Variants in DRP2 observed in about 807,000 individuals in gnomAD.
DRP2 encodes the protein dystrophin-related protein 2.
DRP2 carries 29 observed loss-of-function variants against 78.2 expected under a neutral mutation model. The ratio of observed to expected loss-of-function variants is 0.37; its 90% confidence interval spans 0.28 to 0.51. The LOEUF is 0.51. Ranked by LOEUF, DRP2 falls within the 20% of genes least tolerant of loss-of-function variation. The probability of loss-of-function intolerance (pLI) is 0.94; values close to 1 mark genes in which losing one functional copy is unlikely to be tolerated. For missense variants in DRP2, 686 were observed against 770.6 expected (o/e 0.89, Z 1.30); for synonymous variants, 290 against 281.9 (o/e 1.03, Z -0.29).
Position 101,242,475 on chromosome X carries a change from G to T in DRP2, c.975+4G>T. On this transcript the variant is annotated splice_donor_region_variant and intron_variant, in intron 8 of 23. Coordinates refer to ENST00000395209, the MANE Select transcript of DRP2 (RefSeq NM_001939.3). ...CGTCCGATGGAAACAACTACAGGTA[G>T]AAGAGCAGCCTGGAGTGAACCATGG... The T allele has an allele frequency of 8.3e-7, 1 of 1,207,283 alleles. No individual in the cohort carries two copies. Among genetic ancestry groups the T allele is most frequent in the South Asian group, 1.8e-5 (1 of 55,784 alleles).
chrX:101,249,540 T>G (rs760974422), intron 14 of DRP2, among the ~76,000 whole-genome samples: 6 of 111,435 alleles, frequency 5.4e-5, no homozygotes, highest in South Asian at 3.9e-4. Flanking sequence ...GGAGGATCAC[T>G]TGAGCCCAGA....
At chrX:101,246,396 T>C (rs1922934876) in intron 11 of DRP2, among the ~76,000 whole-genome samples, 1 of 112,867 alleles carries the variant, frequency 8.9e-6, no homozygotes, top group African/African-American at 3.2e-5. Flanking sequence ...CTGATGCATG[T>C]GACTACAGTT....
chrX:101,232,795 G>A (rs1936962282), intron 3 of DRP2, among the ~76,000 whole-genome samples: 1 of 112,264 alleles, frequency 8.9e-6, no homozygotes, highest in African/African-American at 3.2e-5. Context: ...ACAGGGTCGA[G>A]GGATTAAGAA....
At chrX:101,220,874 A>G (rs1040975868) in intron 1 of DRP2, among the ~76,000 whole-genome samples, 1 of 111,564 alleles carries the variant, frequency 9.0e-6, no homozygotes, top group Non-Finnish European at 1.9e-5. Context: ...TCCACTCTTG[A>G]AAGCATAGCT....
At chrX:101,248,462 T>C (rs746785290) in intron 13 of DRP2, 52 bp from the exon 14 acceptor site, 1 of 1,166,497 alleles carries the variant, frequency 8.6e-7, no homozygotes, top group South Asian at 1.8e-5. Context: ...ATTGCCAAGA[T>C]GTTAACCCTT....
chrX:101,253,540 CTTTTTTTTTT>C (rs138161868), intron 17 of DRP2, among the ~76,000 whole-genome samples: 2 of 53,562 alleles, frequency 3.7e-5, no homozygotes, highest in African/African-American at 1.0e-4. Context: ...TTACTTTCAC[CTTTTTTTTTT>C]TTTTTTTTTT....
chrX:101,254,660 C>G, intron 18 of DRP2, 99 bp downstream of exon 18: 1 of 1,140,487 alleles, frequency 8.8e-7, no homozygotes, highest in Non-Finnish European at 1.2e-6. Flanking sequence ...GAGAATGTTC[C>G]AAGGTAAATC....
intron 11 of DRP2, among the ~76,000 whole-genome samples, chrX:101,246,147 G>C (rs5921763): frequency 0.068 from 7,650 of 112,220 alleles, 247 homozygotes; most frequent in Middle Eastern, 0.12. Context: ...GAGAGGGAAT[G>C]AGTGCCTCAT....
At chrX:101,237,002 G>T (rs151148551) in intron 4 of DRP2, among the ~76,000 whole-genome samples, 1,458 of 111,465 alleles carry the variant, frequency 0.013, 12 homozygotes, top group Middle Eastern at 0.092. Flanking sequence ...GGGCAGCGGG[G>T]TAGGAGGGCA....
At chrX:101,252,505 C>T in intron 16 of DRP2, 100 bp from the exon 17 acceptor site, 1 of 640,270 alleles carries the variant, frequency 1.6e-6, no homozygotes, top group Non-Finnish European at 2.5e-6. Context: ...CTCATTCATC[C>T]CCTTCTACTG....
In DRP2 at chrX:101,242,327, G is replaced by A. The variant is rs148030920; in HGVS notation, c.831G>A (p.Leu277=). Residue 277 remains leucine (L), a splice_region_variant and synonymous_variant, in exon 8 of 24, where the codon CTG becomes CTA. Transcript: ENST00000395209. ...SLPEHIQAIK[L]FKEEFSPMKD... is the part of the protein sequence containing the mutation. ...GCACTTGGGTCCTGGTTCTCCAGCT[G>A]TTCAAAGAAGAATTCTCCCCCATGA... The A allele has an allele frequency of 4.1e-5, 50 of 1,208,223 alleles. No individual in the cohort carries two copies. The highest frequency in any genetic ancestry group is 7.0e-5 in the African/African-American group (4 of 57,181).
In DRP2 at chrX:101,234,054, T is replaced by G. The variant is rs1174968656; in HGVS notation, c.118-1806T>G. Among the ~76,000 whole-genome samples the G allele has an allele frequency of 2.7e-5, 3 of 111,914 alleles. No homozygotes were observed. The East Asian group carries it at 8.5e-4, about 32-fold the overall frequency. ...GGATTCTGCTGCGCCTGCTTGCCGA[T>G]GCTGCCATCCCATGGCTCTGTCCCC... On this transcript the variant is annotated intron_variant, in intron 3 of 23. Transcript: ENST00000395209.
rs1053976388 is a variant in DRP2 at position 101,262,515 on chromosome X, G to A, written c.*1894G>A. ...CAATCAGGAGGGAGTGACGGTTGGG[G>A]TGTTGTATTATAATCCAGCAGTGGG... On this transcript the variant is annotated 3_prime_UTR_variant, in exon 24 of 24. Coordinates refer to ENST00000395209, the MANE Select transcript of DRP2 (RefSeq NM_001939.3). 9.0e-6 allele frequency: 1 copy of A among 111,680 alleles called. No homozygotes were observed. The highest frequency in any genetic ancestry group is 1.9e-5 in the Non-Finnish European group (1 of 53,215). The allele number at this position is 111,680 out of a possible 1,213,427, so 9.2% of individuals were successfully genotyped here.
intron 15 of DRP2, 89 bp downstream of exon 15, chrX:101,250,669 A>C: frequency 9.1e-7 from 1 of 1,093,094 alleles, no homozygotes; most frequent in Non-Finnish European, 1.2e-6. Context: ...TAGGCTTTTG[A>C]TCTGAAGTAC....
At chrX:101,242,109 C>T in intron 7 of DRP2, among the ~76,000 whole-genome samples, 173 bp downstream of exon 7, 2 of 111,544 alleles carry the variant, frequency 1.8e-5, no homozygotes, top group Middle Eastern at 4.6e-3. Flanking sequence ...TTCTGTTTTC[C>T]TACTTTCTTC....
chrX:101,236,160 T>A, intron 4 of DRP2, 137 bp downstream of exon 4: 1 of 645,593 alleles, frequency 1.5e-6, no homozygotes, highest in Non-Finnish European at 2.4e-6. Flanking sequence ...ACACTGGCAC[T>A]GGGGAAACAG....
chrX:101,248,686 T>C (rs1035047802), intron 14 of DRP2, 87 bp downstream of exon 14: 3 of 867,325 alleles, frequency 3.5e-6, no homozygotes, highest in African/African-American at 4.0e-5. Context: ...AAGCAGAAAG[T>C]ACATCTTGTG....
At chrX:101,260,301 T>C (rs1923502366) in intron 23 of DRP2, 132 bp downstream of exon 23, 3 of 976,596 alleles carry the variant, frequency 3.1e-6, no homozygotes, top group Non-Finnish European at 2.8e-6. Flanking sequence ...GGATGATTGG[T>C]TTACTGATTG....
At chrX:101,244,582 A>C (rs939779950) in intron 9 of DRP2, among the ~76,000 whole-genome samples, 1 of 111,780 alleles carries the variant, frequency 8.9e-6, no homozygotes, top group African/African-American at 3.3e-5. Context: ...CATTACCCAC[A>C]GTCCCACAGG....
Sources: allele counts gnomAD v4.1 joint callset (sites outside exome capture counted in the v4.1 genomes callset), GRCh38; gene constraint gnomAD v4.1.1; transcripts MANE v1.5; gene names NCBI Gene and HGNC (gene_info 2026-07-23, HGNC 2026-07-21).